Variants in FAM149B1 observed in about 807,000 individuals in gnomAD.
FAM149B1 encodes primary cilium assembly protein FAM149B1.
FAM149B1 carries 56 observed loss-of-function variants against 75.3 expected under a neutral mutation model. That is an observed-to-expected ratio of 0.74 (90% CI 0.60 to 0.93). The LOEUF (loss-of-function observed/expected upper bound fraction) is 0.93. FAM149B1 is among the 40% of genes least tolerant of loss of function. The pLI is 0.00. For missense variants in FAM149B1, 639 were observed against 708.4 expected, an observed-to-expected ratio of 0.90 and a Z score of 1.11; for synonymous variants, 259 against 256.1, an observed-to-expected ratio of 1.01 and a Z score of -0.11.
At chr10:73,191,239 C>T (rs781662203) in intron 3 of FAM149B1, among the ~76,000 whole-genome samples, 1 of 151,682 alleles carries the variant, frequency 6.6e-6, no homozygotes, top group Non-Finnish European at 1.5e-5. Flanking sequence ...AGGGTTTCTC[C>T]ATGTCGGTCA....
intron 7 of FAM149B1, among the ~76,000 whole-genome samples, chr10:73,215,625 T>C (rs1226859982): frequency 6.6e-6 from 1 of 152,208 alleles, no homozygotes; most frequent in Non-Finnish European, 1.5e-5. Flanking sequence ...TTTATTTTCA[T>C]TTGTTTCAGT....
Position 73,234,821 on chromosome 10 carries a change from G to A in FAM149B1, c.1357G>A (p.Val453Met), listed in dbSNP as rs909209417. Reference sequence around the variant, plus strand: ...GTTTGTTGGTGGGATCTGCAGCCCAGTGGCACCCGACTCGCTCTCCTCTCC... The same window carrying A: ...GTTTGTTGGTGGGATCTGCAGCCCAATGGCACCCGACTCGCTCTCCTCTCC... ...EEILRGARVPVAPDSLSSPSP... is the reference protein window; with the variant it reads ...EEILRGARVPMAPDSLSSPSP... The change falls in exon 11 of 14, where the codon GTG (valine) becomes ATG (methionine). Residue 453 changes from valine (V) to methionine (M), a missense_variant. Coordinates refer to ENST00000242505, the MANE Select transcript of FAM149B1 (RefSeq NM_173348.2). 5.2e-6 allele frequency: 8 copies of A among 1,551,342 alleles called. No homozygotes were observed. In the Admixed American group the frequency reaches 1.2e-4, roughly 23 times the overall value.
intron 7 of FAM149B1, among the ~76,000 whole-genome samples, chr10:73,215,834 G>A (rs1405423641): frequency 6.6e-6 from 1 of 152,072 alleles, no homozygotes. Context: ...CTAATATTTG[G>A]TCTGTCTTGG....
chr10:73,239,878 T>A (rs1192994049), intron 13 of FAM149B1, among the ~76,000 whole-genome samples: 1 of 152,254 alleles, frequency 6.6e-6, no homozygotes, highest in African/African-American at 2.4e-5. Flanking sequence ...TCTTTTTATC[T>A]TTAAATTATA....
intron 9 of FAM149B1, chr10:73,230,788 G>A (rs1195248692): frequency 3.2e-6 from 1 of 308,476 alleles, no homozygotes; most frequent in East Asian, 6.1e-5. Context: ...TCCAGAATGA[G>A]TGCTATGACA....
chr10:73,201,764 G>C (rs1175573587), intron 5 of FAM149B1, among the ~76,000 whole-genome samples: 2 of 152,044 alleles, frequency 1.3e-5, no homozygotes, highest in Non-Finnish European at 2.9e-5. Context: ...GCCCCAGCAA[G>C]CAATCATATC....
intron 7 of FAM149B1, among the ~76,000 whole-genome samples, chr10:73,219,405 G>A (rs75035163): frequency 0.022 from 3,346 of 152,262 alleles, 50 homozygotes; most frequent in Non-Finnish European, 0.034. Flanking sequence ...TGGGCAAGCT[G>A]ATCCTGAAGT....
chr10:73,196,751 G>A (rs2042813884), intron 5 of FAM149B1, among the ~76,000 whole-genome samples: 1 of 151,836 alleles, frequency 6.6e-6, no homozygotes, highest in Admixed American at 6.6e-5. Flanking sequence ...TTATCAGCTG[G>A]CCCCTGCCTA....
At chr10:73,240,570 G>A (rs1246783140) in intron 13 of FAM149B1, among the ~76,000 whole-genome samples, 1 of 152,064 alleles carries the variant, frequency 6.6e-6, no homozygotes, top group Admixed American at 6.5e-5. Context: ...AAATTAGCCG[G>A]GTGTGGTGGC....
intron 7 of FAM149B1, among the ~76,000 whole-genome samples, chr10:73,212,261 C>T (rs747634453): frequency 1.3e-5 from 2 of 152,054 alleles, no homozygotes; most frequent in East Asian, 1.9e-4. Context: ...AATAATGGAG[C>T]GATAAACATA....
intron 5 of FAM149B1, among the ~76,000 whole-genome samples, chr10:73,196,295 G>C (rs1031328638): frequency 6.6e-6 from 1 of 151,934 alleles, no homozygotes; most frequent in Admixed American, 6.6e-5. Context: ...GGGTATGTAA[G>C]TTGTGCTACT....
intron 3 of FAM149B1, among the ~76,000 whole-genome samples, chr10:73,190,372 T>C (rs1158914640): frequency 6.6e-6 from 1 of 151,982 alleles, no homozygotes; most frequent in African/African-American, 2.4e-5. Context: ...AGTGCCACCA[T>C]GGTCCAGTAT....
chr10:73,174,244 T>C (rs915933859), intron 1 of FAM149B1, among the ~76,000 whole-genome samples: 1 of 152,226 alleles, frequency 6.6e-6, no homozygotes, highest in Non-Finnish European at 1.5e-5. Context: ...ACTGTCAAAC[T>C]ATTCCAGAAT....
chr10:73,192,574 A>G lies in FAM149B1; in HGVS notation c.301A>G (p.Thr101Ala). ...CTTCTAGGAACTCGATCAAAATGCCACTGAAAAAGTCCAGACAATGTTCAC... is the reference window on the plus strand; with the variant it reads ...CTTCTAGGAACTCGATCAAAATGCCGCTGAAAAAGTCCAGACAATGTTCAC... Reference protein sequence around the residue: ...WGYGELDQNATEKVQTMFTAI... With the variant: ...WGYGELDQNAAEKVQTMFTAI... Residue 101 changes from threonine (T) to alanine (A), a missense_variant, in exon 4 of 14, where the codon ACT becomes GCT. Transcript: ENST00000242505. 6.4e-7 allele frequency: 1 copy of G among 1,550,952 alleles called. No homozygotes were observed. Among genetic ancestry groups the G allele is most frequent in the Non-Finnish European group, 8.7e-7 (1 of 1,146,804 alleles).
intron 9 of FAM149B1, chr10:73,230,766 A>G: frequency 2.5e-6 from 1 of 400,034 alleles, no homozygotes. Flanking sequence ...ACTGAGTGCC[A>G]TGTGCGTGCT....
intron 7 of FAM149B1, among the ~76,000 whole-genome samples, chr10:73,223,386 CAA>C (rs1278564436): frequency 2.0e-5 from 3 of 152,178 alleles, no homozygotes; most frequent in African/African-American, 7.2e-5. Context: ...TTGCTCGCAA[CAA>C]GTTTATTCCC....
At position 73,210,343 on chromosome 10, in the gene FAM149B1, A is replaced by G; in HGVS notation, c.803A>G (p.Glu268Gly). The change falls in exon 7 of 14, where the codon GAA (glutamate) becomes GGA (glycine). Residue 268 changes from glutamate to glycine, a missense_variant. Physicochemically the swap from Glu to Gly is moderately conservative, Grantham distance 98 (BLOSUM62 -2). Coordinates refer to ENST00000242505, the MANE Select transcript of FAM149B1 (RefSeq NM_173348.2). ...ATTGCTCCATTTTACTGCATGAAAGAAGATGTCCTTGCTTATGTGTTTGAC... is the reference window on the plus strand; with the variant it reads ...ATTGCTCCATTTTACTGCATGAAAGGAGATGTCCTTGCTTATGTGTTTGAC... ...PPIAPFYCMK[E>G]DVLAYVFDSV... 1 of 1,551,386 alleles carries G rather than the reference A, an allele frequency of 6.4e-7. No individual in the cohort carries two copies. The highest frequency in any genetic ancestry group is 8.7e-7 in the Non-Finnish European group (1 of 1,146,608).
intron 12 of FAM149B1, among the ~76,000 whole-genome samples, chr10:73,236,849 G>A (rs1217816901): frequency 6.6e-6 from 1 of 151,792 alleles, no homozygotes; most frequent in Non-Finnish European, 1.5e-5. Flanking sequence ...CTGAGTAGCT[G>A]GGACTACAGG....
At chr10:73,172,941 A>C (rs78561510) in intron 1 of FAM149B1, among the ~76,000 whole-genome samples, 1 of 104,084 alleles carries the variant, frequency 9.6e-6, no homozygotes, top group South Asian at 3.7e-4. Context: ...CAATCTCTAC[A>C]AAAAAAAAAA....
Sources: gnomAD v4.1 joint callset for allele counts (sites outside exome capture counted in the v4.1 genomes callset) on GRCh38, gnomAD v4.1.1 for gene constraint, MANE v1.5 for transcripts, NCBI Gene and HGNC (gene_info 2026-07-23, HGNC 2026-07-21) for gene names.